Variants in ZMIZ1 observed in about 807,000 individuals in gnomAD.
ZMIZ1 encodes zinc finger MIZ-type containing 1.
ZMIZ1 carries 17 observed loss-of-function variants against 113.9 expected under a neutral mutation model. The observed-to-expected ratio is 0.15, with a 90% CI of 0.10 to 0.22. ZMIZ1 has a LOEUF of 0.22. Ranked by LOEUF, ZMIZ1 falls within the 10% of genes least tolerant of loss-of-function variation. The pLI, the probability that ZMIZ1 is intolerant of heterozygous loss-of-function variation, is 1.00. For missense variants in ZMIZ1, 1,059 were observed against 1,477.8 expected, an observed-to-expected ratio of 0.72 and a Z score of 4.65; for synonymous variants, 607 against 603.1, an observed-to-expected ratio of 1.01 and a Z score of -0.09.
chr10:79,238,455 C>G (rs1001146909), intron 7 of ZMIZ1, among the ~76,000 whole-genome samples: 1 of 152,330 alleles, frequency 6.6e-6, no homozygotes, highest in South Asian at 2.1e-4. Flanking sequence ...CTGTCCCCCA[C>G]TCAGGTGGAG....
At chr10:79,085,236 G>T (rs972404928) in intron 1 of ZMIZ1, among the ~76,000 whole-genome samples, 1 of 152,192 alleles carries the variant, frequency 6.6e-6, no homozygotes, top group African/African-American at 2.4e-5. Context: ...CAGCCTGGCT[G>T]CTGGCACCCT....
chr10:79,157,593 G>A (rs1845951037), intron 3 of ZMIZ1, among the ~76,000 whole-genome samples: 1 of 152,146 alleles, frequency 6.6e-6, no homozygotes, highest in African/African-American at 2.4e-5. Flanking sequence ...CATGGCTGGA[G>A]GGGTGATTTA....
intron 8 of ZMIZ1, among the ~76,000 whole-genome samples, chr10:79,284,633 T>A (rs1369815802): frequency 6.6e-6 from 1 of 152,238 alleles, no homozygotes; most frequent in Non-Finnish European, 1.5e-5. Context: ...CTTTACTTTT[T>A]TCTCATGTTT....
At chr10:79,078,570 C>T (rs368436425) in intron 1 of ZMIZ1, among the ~76,000 whole-genome samples, 5 of 87,804 alleles carry the variant, frequency 5.7e-5, no homozygotes, top group East Asian at 3.3e-4. Flanking sequence ...CCACCCCCGA[C>T]TTTTTTTTTT....
chr10:79,106,667 A>T (rs1053328260), intron 1 of ZMIZ1, among the ~76,000 whole-genome samples: 6 of 152,172 alleles, frequency 3.9e-5, no homozygotes, highest in Non-Finnish European at 8.8e-5. Flanking sequence ...GAGGGTCAAC[A>T]CTCAGCCCTT....
intron 1 of ZMIZ1, among the ~76,000 whole-genome samples, chr10:79,076,822 G>T (rs931232084): frequency 3.3e-5 from 5 of 152,162 alleles, no homozygotes; most frequent in African/African-American, 1.2e-4. Flanking sequence ...GGATGACAGA[G>T]CAGGACTCTG....
chr10:79,115,773 GA>G (rs1843993698), intron 1 of ZMIZ1, among the ~76,000 whole-genome samples: 1 of 152,246 alleles, frequency 6.6e-6, no homozygotes, highest in South Asian at 2.1e-4. Context: ...TGGCTTTAGG[GA>G]TCAGCTGAGG....
chr10:79,202,832 G>A (rs1425662428), intron 5 of ZMIZ1, among the ~76,000 whole-genome samples: 2 of 152,256 alleles, frequency 1.3e-5, no homozygotes, highest in Non-Finnish European at 2.9e-5. Context: ...AGGGGCATGG[G>A]CTTTGGTGTC....
At chr10:79,302,352 G>T (rs918575534) in intron 18 of ZMIZ1, 140 bp downstream of exon 18, 2 of 807,662 alleles carry the variant, frequency 2.5e-6, no homozygotes, top group Admixed American at 2.2e-5. Flanking sequence ...CCCTGAGCGC[G>T]CCCTGTCCTG....
chr10:79,276,283 C>T (rs904068538), intron 7 of ZMIZ1, among the ~76,000 whole-genome samples: 2 of 152,352 alleles, frequency 1.3e-5, no homozygotes, highest in Non-Finnish European at 1.5e-5. Context: ...TCCTCATGTA[C>T]TTCAGGAGGA....
Position 79,216,264 on chromosome 10 carries a change from G to A in ZMIZ1, c.270G>A (p.Pro90=), listed in dbSNP as rs368416414. Residue 90 remains proline, a synonymous_variant, in exon 7 of 25, where the codon CCG becomes CCA. Coordinates refer to ENST00000334512, the MANE Select transcript of ZMIZ1 (RefSeq NM_020338.4). ...CTGCAAACCGAGACAAGTTCACCCC[G>A]AAGTCTGCCGGTAGGTGTCCGTGGG... ...VCAANRDKFT[P]KSAALLSSWC... 57 of 1,590,182 alleles carry A rather than the reference G, an allele frequency of 3.6e-5. No homozygotes were observed. In the African/African-American group the frequency reaches 3.8e-4, roughly 11 times the overall value.
chr10:79,078,077 A>G (rs1842534096), intron 1 of ZMIZ1, among the ~76,000 whole-genome samples: 1 of 152,156 alleles, frequency 6.6e-6, no homozygotes. Context: ...GTCAGTCATA[A>G]CCCAAGTACA....
intron 1 of ZMIZ1, among the ~76,000 whole-genome samples, chr10:79,070,121 G>C (rs891417079): frequency 2.0e-5 from 3 of 151,466 alleles, no homozygotes; most frequent in African/African-American, 7.3e-5. Context: ...GGCGGAGGTT[G>C]GGGGGCCGGG....
At chr10:79,288,883 G>A (rs1853274077) in intron 8 of ZMIZ1, among the ~76,000 whole-genome samples, 1 of 152,212 alleles carries the variant, frequency 6.6e-6, no homozygotes, top group Non-Finnish European at 1.5e-5. Flanking sequence ...AGCTCCTTGG[G>A]GAGATGTCCA....
At chr10:79,278,386 G>C (rs146198658) in intron 8 of ZMIZ1, among the ~76,000 whole-genome samples, 2 of 151,444 alleles carry the variant, frequency 1.3e-5, no homozygotes, top group Non-Finnish European at 2.9e-5. Flanking sequence ...ACACAGGGTA[G>C]TTTTTCTTTT....
chr10:79,094,131 A>C (rs1843087021), intron 1 of ZMIZ1, among the ~76,000 whole-genome samples: 1 of 152,194 alleles, frequency 6.6e-6, no homozygotes, highest in Non-Finnish European at 1.5e-5. Flanking sequence ...GAAAGGGCCT[A>C]ATTGAGTAAG....
At chr10:79,147,552 G>A (rs1052583316) in intron 3 of ZMIZ1, among the ~76,000 whole-genome samples, 2 of 152,182 alleles carry the variant, frequency 1.3e-5, no homozygotes, top group Admixed American at 1.3e-4. Context: ...GCAGGGATAG[G>A]GGTTGTCAGA....
At chr10:79,213,919 T>C (rs977322429) in intron 6 of ZMIZ1, among the ~76,000 whole-genome samples, 2 of 152,192 alleles carry the variant, frequency 1.3e-5, no homozygotes, top group African/African-American at 4.8e-5. Context: ...AAAGCACCTA[T>C]GTACGTGGGA....
chr10:79,119,779 G>A (rs1415107031), intron 2 of ZMIZ1, among the ~76,000 whole-genome samples: 2 of 152,176 alleles, frequency 1.3e-5, no homozygotes, highest in African/African-American at 4.8e-5. Flanking sequence ...GCAGGGACCA[G>A]GCCTGGCCTC....
Sources: allele counts gnomAD v4.1 joint callset (sites outside exome capture counted in the v4.1 genomes callset), GRCh38; gene constraint gnomAD v4.1.1; transcripts MANE v1.5; gene names NCBI Gene and HGNC (gene_info 2026-07-23, HGNC 2026-07-21).